EPHB2: variants seen among roughly 807,000 people sequenced by gnomAD.
EPHB2 encodes ephrin type-B receptor 2.
EPHB2 carries 18 observed loss-of-function variants against 96.4 expected under a neutral mutation model. The observed-to-expected ratio is 0.19, with a 90% confidence interval of 0.13 to 0.28. The LOEUF (loss-of-function observed/expected upper bound fraction) is 0.28, where lower values mean the gene tolerates loss of function less well. Among genes scored for constraint, EPHB2 ranks in the 10% least tolerant of loss-of-function variants. EPHB2 has a pLI of 1.00. For synonymous variants in EPHB2, 506 were observed against 534.1 expected, an observed-to-expected ratio of 0.95 and a Z score of 0.72; for missense variants, 989 against 1,355.4, an observed-to-expected ratio of 0.73 and a Z score of 4.25.
intron 3 of EPHB2, among the ~76,000 whole-genome samples, chr1:22,833,157 G>A (rs1322904265): frequency 6.6e-6 from 1 of 151,160 alleles, no homozygotes; most frequent in African/African-American, 2.4e-5. Context: ...TCGCTCTTTT[G>A]CCCAGGCTGG....
intron 3 of EPHB2, among the ~76,000 whole-genome samples, chr1:22,819,305 T>G (rs1645120201): frequency 6.7e-6 from 1 of 149,682 alleles, no homozygotes; most frequent in African/African-American, 2.4e-5. Context: ...GGCCACCGCC[T>G]CTCACAACCT....
At chr1:22,866,969 C>T (rs1489531936) in intron 5 of EPHB2, among the ~76,000 whole-genome samples, 2 of 152,170 alleles carry the variant, frequency 1.3e-5, no homozygotes, top group Admixed American at 6.5e-5. Context: ...GCAACTGACT[C>T]CACCTGGTTG....
At chr1:22,859,301 G>A (rs1052230726) in intron 3 of EPHB2, among the ~76,000 whole-genome samples, 1 of 150,950 alleles carries the variant, frequency 6.6e-6, no homozygotes, top group African/African-American at 2.4e-5. Context: ...GCCTGGTGGG[G>A]GGGGGGGTAT....
chr1:22,891,172 G>A, intron 6 of EPHB2: 1 of 456,072 alleles, frequency 2.2e-6, no homozygotes, highest in Non-Finnish European at 4.4e-6. Flanking sequence ...AGGTCACAGA[G>A]GTCATATATA....
At chr1:22,901,831 G>GTGTT (rs760081030) in intron 9 of EPHB2, among the ~76,000 whole-genome samples, 22 of 151,858 alleles carry the variant, frequency 1.4e-4, no homozygotes, top group Non-Finnish European at 2.2e-4. Context: ...GTGTGTGTGT[G>GTGTT]TGTGTGTGTG....
rs552276495 is a variant in EPHB2, at chr1:22,721,001, A to T, written c.61+9958A>T. On this transcript the variant is annotated intron_variant, in intron 1 of 15. Transcript: ENST00000374630. ...TTTCCTTATCAGCGAACTGGGCATC[A>T]TAATTTCAGGCACTACAGAAGGCTG... 2.6e-4 allele frequency among the ~76,000 whole-genome samples: 39 copies of T among 152,272 alleles called. No individual in the cohort carries two copies. In the East Asian group the frequency reaches 7.0e-3, roughly 27 times the overall value.
intron 5 of EPHB2, among the ~76,000 whole-genome samples, chr1:22,876,235 T>G (rs560130043): frequency 2.0e-5 from 3 of 152,124 alleles, no homozygotes; most frequent in African/African-American, 7.2e-5. Context: ...TTCGGACCAG[T>G]GAAAGGGTCG....
intron 3 of EPHB2, chr1:22,800,181 T>C (rs1644822567): frequency 6.6e-6 from 1 of 152,304 alleles, no homozygotes; most frequent in African/African-American, 2.4e-5. Context: ...CCTGTACGCA[T>C]GCGTGTGCGC....
At chr1:22,862,961 C>G in intron 3 of EPHB2, 76 bp from the exon 4 acceptor site, 1 of 1,597,394 alleles carries the variant, frequency 6.3e-7, no homozygotes, top group Non-Finnish European at 8.6e-7. Context: ...GTGGCCCCTC[C>G]GTGAGGCTGC....
Position 22,846,702 on chromosome 1 carries a change from C to T in EPHB2, c.812-16335C>T, listed in dbSNP as rs990026553. On this transcript the variant is annotated intron_variant, in intron 3 of 15. Transcript: ENST00000374630. This position sits in a 1 kb window ranked among gnomAD's most constrained non-coding sequence, Gnocchi z 4.3. ...ATGCAGTTTCCCATCTCCACCCCTC[C>T]GCCCACGCTGCTCCCTCAGCCTCGC... Among the ~76,000 whole-genome samples, 11 of 152,218 alleles carry T rather than the reference C, an allele frequency of 7.2e-5. No individual in the cohort carries two copies. The highest frequency in any genetic ancestry group is 1.9e-4 in the East Asian group (1 of 5,190).
intron 3 of EPHB2, among the ~76,000 whole-genome samples, chr1:22,793,514 G>T (rs958888732): frequency 5.3e-5 from 8 of 152,164 alleles, no homozygotes; most frequent in African/African-American, 1.7e-4. Flanking sequence ...AATGGTGGTG[G>T]TTTTTTTCTT....
chr1:22,803,708 T>C (rs1193320102), intron 3 of EPHB2, among the ~76,000 whole-genome samples: 1 of 149,004 alleles, frequency 6.7e-6, no homozygotes. Context: ...TATATATATG[T>C]ATATGTGTAT....
At chr1:22,715,575 T>C (rs1210269796) in intron 1 of EPHB2, among the ~76,000 whole-genome samples, 1 of 152,272 alleles carries the variant, frequency 6.6e-6, no homozygotes, top group Non-Finnish European at 1.5e-5. Context: ...GCTGCTTTCA[T>C]GTATTTGTCT....
chr1:22,721,019 G>C (rs1643451687), intron 1 of EPHB2, among the ~76,000 whole-genome samples: 4 of 152,160 alleles, frequency 2.6e-5, no homozygotes, highest in Admixed American at 2.6e-4. Flanking sequence ...AGGCACTACA[G>C]AAGGCTGTGC....
At chr1:22,770,593 C>G (rs1644368117) in intron 1 of EPHB2, among the ~76,000 whole-genome samples, 1 of 152,156 alleles carries the variant, frequency 6.6e-6, no homozygotes, top group Non-Finnish European at 1.5e-5. Context: ...AACCTGCATG[C>G]AACAGGACAG....
rs1027880215 is a variant in EPHB2, at chr1:22,917,629, T to C, written c.*4059T>C. On this transcript the variant is annotated 3_prime_UTR_variant, in exon 16 of 16. Transcript: ENST00000374630. ...AAAACACTTATACACCTTAGTCCCATGAGGAAGGAGTATTCCCCCTGCATA... is the reference window on the plus strand; with the variant it reads ...AAAACACTTATACACCTTAGTCCCACGAGGAAGGAGTATTCCCCCTGCATA... 6.6e-6 allele frequency: 1 copy of C among 152,126 alleles called. No individual in the cohort carries two copies. The highest frequency in any genetic ancestry group is 1.5e-5 in the Non-Finnish European group (1 of 68,050). The allele number at this position is 152,126 out of a possible 1,614,324, so 9.4% of individuals were successfully genotyped here.
Position 22,735,408 on chromosome 1 carries a change from C to A in EPHB2, c.61+24365C>A, listed in dbSNP as rs1406687768. On this transcript the variant is annotated intron_variant, in intron 1 of 15. Transcript: ENST00000374630. ...GAGTCATGGTCATGCCACTGCACTG[C>A]AGCCTAAACAACAGAGTGAGACCCG... 2.0e-5 allele frequency among the ~76,000 whole-genome samples: 3 copies of A among 149,456 alleles called. No homozygotes were observed. The Admixed American group carries it at 2.0e-4, about 10-fold the overall frequency.
At chr1:22,789,725 CAG>C (rs1424168151) in intron 3 of EPHB2, among the ~76,000 whole-genome samples, 1 of 152,080 alleles carries the variant, frequency 6.6e-6, no homozygotes, top group Non-Finnish European at 1.5e-5. Flanking sequence ...TAGGAGAAGA[CAG>C]AAGAAAAAGT....
intron 3 of EPHB2, among the ~76,000 whole-genome samples, chr1:22,845,243 T>A (rs1645525401): frequency 6.6e-6 from 1 of 152,206 alleles, no homozygotes; most frequent in Non-Finnish European, 1.5e-5. Context: ...TGGGGATAAT[T>A]ATAGTATAAT....
Sources: gnomAD v4.1 joint callset for allele counts (sites outside exome capture counted in the v4.1 genomes callset) on GRCh38, gnomAD v4.1.1 for gene constraint, Gnocchi (gnomAD v3.1) non-coding constraint, MANE v1.5 for transcripts, NCBI Gene and HGNC (gene_info 2026-07-23, HGNC 2026-07-21) for gene names.